ADD3: variants seen among roughly 807,000 people sequenced by gnomAD.
ADD3 encodes the protein gamma-adducin.
In ADD3, 25 loss-of-function variants were observed where a neutral mutation model predicts 80.2. The observed-to-expected ratio is 0.31, with a 90% CI of 0.23 to 0.44. ADD3 has a LOEUF of 0.44. Among genes scored for constraint, ADD3 ranks in the 20% least tolerant of loss-of-function variants. ADD3 has a pLI of 1.00. For missense variants in ADD3, 829 were observed against 847.5 expected (o/e 0.98, Z 0.27); for synonymous variants, 284 against 289.6 (o/e 0.98, Z 0.20).
intron 4 of ADD3, 112 bp from the exon 5 acceptor site, chr10:110,117,229 GT>G (rs374645445): frequency 9.6e-4 from 517 of 536,056 alleles, no homozygotes; most frequent in South Asian, 2.6e-3. Flanking sequence ...TGCTTTGTTG[GT>G]TTTTTTTTTC....
intron 1 of ADD3, among the ~76,000 whole-genome samples, chr10:110,072,238 A>AT (rs902066971): frequency 3.8e-4 from 58 of 151,320 alleles, no homozygotes; most frequent in African/African-American, 1.3e-3. Context: ...ATTTTTTTGT[A>AT]TTTTTTTTAG....
At chr10:110,109,789 A>G (rs1458770171) in intron 2 of ADD3, among the ~76,000 whole-genome samples, 2 of 152,212 alleles carry the variant, frequency 1.3e-5, no homozygotes, top group African/African-American at 2.4e-5. Context: ...AGCCTTAAGC[A>G]TGGTAAAATA....
At chr10:110,064,736 A>G (rs1183813181) in intron 1 of ADD3, among the ~76,000 whole-genome samples, 1 of 151,946 alleles carries the variant, frequency 6.6e-6, no homozygotes, top group Admixed American at 6.6e-5. Context: ...ATCTTAAAAC[A>G]CTCTTATTTT....
intron 1 of ADD3, among the ~76,000 whole-genome samples, chr10:110,072,162 C>T (rs1045951590): frequency 5.9e-5 from 9 of 152,134 alleles, no homozygotes; most frequent in South Asian, 2.1e-4. Context: ...CCTGGGTTCA[C>T]GCAATTCTCC....
chr10:110,123,526 A>G (rs902298899), intron 9 of ADD3, among the ~76,000 whole-genome samples: 2 of 152,086 alleles, frequency 1.3e-5, no homozygotes, highest in Non-Finnish European at 2.9e-5. Context: ...TCCTTTGCCT[A>G]TTTTTTAATT....
At chr10:110,113,498 A>C (rs1055613097) in intron 3 of ADD3, among the ~76,000 whole-genome samples, 2 of 151,980 alleles carry the variant, frequency 1.3e-5, no homozygotes, top group African/African-American at 4.8e-5. Context: ...TGAACTCCTG[A>C]CCTCACGATC....
At chr10:110,121,661 A>G (rs11194993) in intron 8 of ADD3, among the ~76,000 whole-genome samples, 2,588 of 152,292 alleles carry the variant, frequency 0.017, 69 homozygotes, top group African/African-American at 0.055. Context: ...CCTCTTCTCA[A>G]ATGGGGCTAT....
intron 2 of ADD3, among the ~76,000 whole-genome samples, chr10:110,103,774 A>G (rs941268620): frequency 1.3e-5 from 2 of 152,130 alleles, no homozygotes; most frequent in South Asian, 2.1e-4. Flanking sequence ...AACAGGCACA[A>G]TCATAGCACA....
chr10:110,009,266 A>T (rs905683225), intron 1 of ADD3, among the ~76,000 whole-genome samples: 4 of 152,290 alleles, frequency 2.6e-5, no homozygotes, highest in Middle Eastern at 3.4e-3. Context: ...GGGGTATGGG[A>T]CTAGCTACAT....
intron 9 of ADD3, 189 bp from the exon 10 acceptor site, chr10:110,123,828 A>G (rs1851814370): frequency 2.4e-5 from 14 of 591,850 alleles, no homozygotes; most frequent in Non-Finnish European, 3.6e-5. Context: ...AGCTCTAACT[A>G]GGTCTTGAAA....
intron 1 of ADD3, among the ~76,000 whole-genome samples, chr10:110,030,667 A>G (rs1854896735): frequency 6.6e-6 from 1 of 151,636 alleles, no homozygotes; most frequent in African/African-American, 2.4e-5. Context: ...TATCGCTTGA[A>G]ATGTGGCTAG....
chr10:110,123,866 A>G, intron 9 of ADD3, 151 bp from the exon 10 acceptor site: 3 of 745,276 alleles, frequency 4.0e-6, no homozygotes, highest in Admixed American at 5.6e-5. Context: ...CCAGTGTTAC[A>G]TGAAAGTTAT....
chr10:110,106,871 T>A (rs1364871965), intron 2 of ADD3, among the ~76,000 whole-genome samples: 1 of 152,172 alleles, frequency 6.6e-6, no homozygotes, highest in Non-Finnish European at 1.5e-5. Flanking sequence ...ATGAATTTCT[T>A]ATTTAAAGAA....
chr10:110,059,951 T>C (rs1484226732), intron 1 of ADD3, among the ~76,000 whole-genome samples: 1 of 152,228 alleles, frequency 6.6e-6, no homozygotes, highest in Non-Finnish European at 1.5e-5. Context: ...ACTCTCAAAG[T>C]ACTTGTCATC....
chr10:110,126,356 A>G, intron 11 of ADD3, 61 bp from the exon 12 acceptor site: 1 of 1,277,000 alleles, frequency 7.8e-7, no homozygotes, highest in Non-Finnish European at 1.1e-6. Flanking sequence ...GAAAAGATAA[A>G]GCAAAGGTCA....
At chr10:110,129,130 TTTTCTTTC>T (rs953301699) in intron 12 of ADD3, among the ~76,000 whole-genome samples, 11 of 151,662 alleles carry the variant, frequency 7.3e-5, no homozygotes, top group African/African-American at 2.7e-4. Flanking sequence ...CCTAGTTAGT[TTTTCTTTC>T]TTTCTTTCTT....
At chr10:110,044,004 C>A (rs1361822941) in intron 1 of ADD3, among the ~76,000 whole-genome samples, 1 of 152,090 alleles carries the variant, frequency 6.6e-6, no homozygotes, top group Non-Finnish European at 1.5e-5. Context: ...GTCAAGAGTT[C>A]AAGACCAGTC....
At chr10:110,030,255 G>A (rs1273637364) in intron 1 of ADD3, among the ~76,000 whole-genome samples, 1 of 150,650 alleles carries the variant, frequency 6.6e-6, no homozygotes, top group Non-Finnish European at 1.5e-5. Context: ...CCCAGGAGGC[G>A]GAGGTTGCGG....
intron 1 of ADD3, among the ~76,000 whole-genome samples, chr10:110,086,823 A>G: frequency 6.6e-6 from 1 of 152,138 alleles, no homozygotes; most frequent in East Asian, 1.9e-4. Context: ...TCAGAACATC[A>G]GAGTGGGAAC....
Sources: gnomAD v4.1 joint callset for allele counts (sites outside exome capture counted in the v4.1 genomes callset) on GRCh38, gnomAD v4.1.1 for gene constraint, MANE v1.5 for transcripts, NCBI Gene and HGNC (gene_info 2026-07-23, HGNC 2026-07-21) for gene names.